The following ADGRL3 variants were observed in gnomAD, a reference collection of about 807,000 sequenced individuals.
ADGRL3 encodes the protein calcium-independent alpha-latrotoxin receptor 3.
In ADGRL3, 62 loss-of-function variants were observed where a neutral mutation model predicts 153.5. The observed-to-expected ratio is 0.40, with a 90% CI of 0.33 to 0.50. The LOEUF (loss-of-function observed/expected upper bound fraction) is 0.50. Among genes scored for constraint, ADGRL3 ranks in the 20% least tolerant of loss-of-function variants. The pLI, the probability that ADGRL3 is intolerant of heterozygous loss-of-function variation, is 0.47. For missense variants in ADGRL3, 1,641 were observed against 1,859.4 expected, an observed-to-expected ratio of 0.88 and a Z score of 2.16; for synonymous variants, 710 against 672.5, an observed-to-expected ratio of 1.06 and a Z score of -0.86.
intron 3 of ADGRL3, among the ~76,000 whole-genome samples, chr4:61,505,656 T>C (rs992863643): frequency 6.6e-6 from 1 of 152,054 alleles, no homozygotes; most frequent in African/African-American, 2.4e-5. Context: ...ATTATAAATA[T>C]TGAGTCTTTC....
intron 9 of ADGRL3, among the ~76,000 whole-genome samples, chr4:61,818,491 C>A (rs79774481): frequency 0.054 from 8,155 of 152,216 alleles, 368 homozygotes; most frequent in African/African-American, 0.12. Flanking sequence ...GAGGACAACA[C>A]TGTGGAGCTG....
chr4:61,929,558 A>G (rs2150080598), intron 13 of ADGRL3, among the ~76,000 whole-genome samples: 1 of 152,262 alleles, frequency 6.6e-6, no homozygotes, highest in East Asian at 1.9e-4. Flanking sequence ...AATGGAGAAA[A>G]CTGACTTACA....
intron 1 of ADGRL3, among the ~76,000 whole-genome samples, chr4:61,275,328 C>G (rs1390539357): frequency 3.3e-5 from 5 of 152,052 alleles, no homozygotes; most frequent in Non-Finnish European, 7.4e-5. Flanking sequence ...TTTTTAAAAC[C>G]TGATAAAACA....
Position 61,479,835 on chromosome 4 carries a change from A to G in ADGRL3, c.-173-17286A>G, listed in dbSNP as rs920878939. 2.6e-5 allele frequency among the ~76,000 whole-genome samples: 4 copies of G among 152,164 alleles called. No homozygotes were observed. The East Asian group carries it at 7.7e-4, about 29-fold the overall frequency. On this transcript the variant is annotated intron_variant, in intron 2 of 26. Transcript: ENST00000683033. ...ATTAGCATGCTTGTTATCTGTAAGA[A>G]TACAAAATTATCAATTTAATTTTTA...
intron 6 of ADGRL3, among the ~76,000 whole-genome samples, chr4:61,678,109 G>T (rs1336531380): frequency 4.6e-5 from 7 of 151,850 alleles, no homozygotes; most frequent in Admixed American, 3.3e-4. Flanking sequence ...ATCTCTATAG[G>T]CCCTTCTATG....
At position 61,451,601 on chromosome 4, in the gene ADGRL3, G is replaced by A. The variant is rs577778154; in HGVS notation, c.-173-45520G>A. Among the ~76,000 whole-genome samples, 5 of 152,242 alleles carry A rather than the reference G, an allele frequency of 3.3e-5. No homozygotes were observed. The South Asian group carries it at 1.0e-3, about 32-fold the overall frequency. On this transcript the variant is annotated intron_variant, in intron 2 of 26. Transcript: ENST00000683033. ...GCAGTATTTTCTAGTATAAATGGAG[G>A]TTTATTCTTTGAGTTAAAGTTCCTC... is the stretch of plus-strand genomic sequence containing the variant.
intron 5 of ADGRL3, among the ~76,000 whole-genome samples, chr4:61,634,619 G>T (rs2093337114): frequency 6.6e-6 from 1 of 152,046 alleles, no homozygotes; most frequent in Admixed American, 6.6e-5. Flanking sequence ...AAAAAGAAAT[G>T]AAAAGGAAGA....
At chr4:61,372,471 C>G (rs1442450062) in intron 1 of ADGRL3, among the ~76,000 whole-genome samples, 1 of 152,096 alleles carries the variant, frequency 6.6e-6, no homozygotes, top group African/African-American at 2.4e-5. Context: ...AGCTGCAGGT[C>G]TGTTGGAGTA....
intron 1 of ADGRL3, among the ~76,000 whole-genome samples, chr4:61,289,234 A>G (rs1039113151): frequency 6.6e-6 from 1 of 151,970 alleles, no homozygotes; most frequent in African/African-American, 2.4e-5. Context: ...CATGAGGGCT[A>G]TATGTAAGAG....
At chr4:61,582,940 C>A (rs1011014431) in intron 4 of ADGRL3, among the ~76,000 whole-genome samples, 7 of 152,008 alleles carry the variant, frequency 4.6e-5, no homozygotes, top group African/African-American at 1.7e-4. Flanking sequence ...TATATATTAA[C>A]ATGATTTTAG....
chr4:61,281,088 T>C (rs2093702753), intron 1 of ADGRL3, among the ~76,000 whole-genome samples: 1 of 152,092 alleles, frequency 6.6e-6, no homozygotes, highest in Admixed American at 6.6e-5. Flanking sequence ...CTGGTATTTA[T>C]CATATATATA....
intron 1 of ADGRL3, among the ~76,000 whole-genome samples, chr4:61,269,120 G>A (rs1315133282): frequency 6.6e-6 from 1 of 151,664 alleles, no homozygotes; most frequent in Non-Finnish European, 1.5e-5. Flanking sequence ...GCACTGATAA[G>A]AGACTCTGCA....
intron 9 of ADGRL3, among the ~76,000 whole-genome samples, chr4:61,848,054 A>G (rs2098155810): frequency 4.7e-5 from 1 of 21,090 alleles, no homozygotes; most frequent in African/African-American, 9.9e-5. Flanking sequence ...TATAAAATAT[A>G]TTATATATAT....
At chr4:61,604,193 C>T (rs1441705726) in intron 5 of ADGRL3, among the ~76,000 whole-genome samples, 1 of 152,084 alleles carries the variant, frequency 6.6e-6, no homozygotes, top group Admixed American at 6.6e-5. Flanking sequence ...TAAACACATT[C>T]CTCTGTAAGA....
At chr4:61,909,441 T>C (rs1354626133) in intron 11 of ADGRL3, 119 bp from the exon 12 acceptor site, 1 of 672,328 alleles carries the variant, frequency 1.5e-6, no homozygotes, top group African/African-American at 1.8e-5. Context: ...GAAGATGAAG[T>C]TTAACAACTA....
chr4:61,503,777 TG>T (rs1018044318), intron 3 of ADGRL3, among the ~76,000 whole-genome samples: 3 of 152,244 alleles, frequency 2.0e-5, no homozygotes, highest in Middle Eastern at 3.4e-3. Context: ...TACATGTTTA[TG>T]GGGGTACTTA....
At chr4:61,769,725 T>G (rs1207585485) in intron 8 of ADGRL3, among the ~76,000 whole-genome samples, 3 of 147,214 alleles carry the variant, frequency 2.0e-5, no homozygotes, top group African/African-American at 7.6e-5. Flanking sequence ...GGGTTTGTTC[T>G]CTGGCGGGTA....
At chr4:61,240,984 C>T (rs1754690923) in intron 1 of ADGRL3, among the ~76,000 whole-genome samples, 1 of 151,832 alleles carries the variant, frequency 6.6e-6, no homozygotes, top group African/African-American at 2.4e-5. Flanking sequence ...TGAGCACTTA[C>T]TGTTTAATCT....
intron 17 of ADGRL3, among the ~76,000 whole-genome samples, chr4:61,958,806 C>G (rs2098977421): frequency 6.6e-6 from 1 of 152,090 alleles, no homozygotes; most frequent in Non-Finnish European, 1.5e-5. Flanking sequence ...GAACAGAGAG[C>G]TAAGCCATGT....
Sources: gnomAD v4.1 joint callset for allele counts (sites outside exome capture counted in the v4.1 genomes callset) on GRCh38, gnomAD v4.1.1 for gene constraint, MANE v1.5 for transcripts, NCBI Gene and HGNC (gene_info 2026-07-23, HGNC 2026-07-21) for gene names.